Variants in DPP10 observed in about 807,000 individuals in gnomAD.
The protein encoded by DPP10 is inactive dipeptidyl peptidase 10.
Under a neutral mutation model 120.9 loss-of-function variants are expected in DPP10, and 33 were observed. The ratio of observed to expected loss-of-function variants is 0.27; its 90% CI spans 0.21 to 0.37. The LOEUF (loss-of-function observed/expected upper bound fraction) is 0.37, where lower values mean the gene tolerates loss of function less well. Among genes scored for constraint, DPP10 ranks in the 10% least tolerant of loss-of-function variants. The probability of loss-of-function intolerance (pLI) is 1.00; values close to 1 mark genes in which losing one functional copy is unlikely to be tolerated. For missense variants in DPP10, 816 were observed against 942.8 expected (o/e 0.87, Z 1.76); for synonymous variants, 337 against 326.1 (o/e 1.03, Z -0.36).
chr2:115,836,424 A>C, intron 22 of DPP10, 83 bp from the exon 23 acceptor site: 1 of 1,525,508 alleles, frequency 6.6e-7, no homozygotes, highest in South Asian at 1.2e-5. Context: ...ATGACAATTA[A>C]ATGTAAAATG....
At chr2:115,837,374 C>G (rs1214068822) in intron 24 of DPP10, among the ~76,000 whole-genome samples, 2 of 152,028 alleles carry the variant, frequency 1.3e-5, no homozygotes. Flanking sequence ...TTTTATTATC[C>G]TCTGTGATAT....
intron 1 of DPP10, among the ~76,000 whole-genome samples, chr2:115,089,677 A>G (rs1458016314): frequency 1.3e-5 from 2 of 152,220 alleles, no homozygotes; most frequent in Non-Finnish European, 2.9e-5. Context: ...CAAGAGCAGA[A>G]TCAAGAGCCA....
intron 5 of DPP10, among the ~76,000 whole-genome samples, chr2:115,618,109 T>A (rs2084666147): frequency 6.6e-6 from 1 of 152,154 alleles, no homozygotes; most frequent in African/African-American, 2.4e-5. Flanking sequence ...GCTGTTGACC[T>A]TAGGTAACTG....
intron 7 of DPP10, among the ~76,000 whole-genome samples, chr2:115,725,343 AATTGAAAAGGGATT>A (rs2092740867): frequency 6.6e-6 from 1 of 152,176 alleles, no homozygotes; most frequent in South Asian, 2.1e-4. Context: ...AAACTTTGAT[AATTGAAAAGGGATT>A]AGGATGTTAA....
chr2:114,502,257 G>T (rs13407612), intron 1 of DPP10, among the ~76,000 whole-genome samples: 18,099 of 152,036 alleles, frequency 0.12, 2,515 homozygotes, highest in African/African-American at 0.34. Context: ...CCAGCCAAAA[G>T]ACTGATATTT....
chr2:115,384,049 A>G (rs2066656954), intron 3 of DPP10, among the ~76,000 whole-genome samples: 1 of 152,140 alleles, frequency 6.6e-6, no homozygotes, highest in Admixed American at 6.5e-5. Context: ...CAATACCCCA[A>G]AGTATGTTGC....
At chr2:114,827,068 T>C (rs912687247) in intron 1 of DPP10, among the ~76,000 whole-genome samples, 4 of 151,724 alleles carry the variant, frequency 2.6e-5, no homozygotes, top group Non-Finnish European at 5.9e-5. Flanking sequence ...TTATGGCTTG[T>C]TTGGGGGTCA....
rs559422993 is a variant in DPP10, at chr2:115,803,056, G to A, written c.1700+11700G>A. Among the ~76,000 whole-genome samples, 13 of 152,230 alleles carry A rather than the reference G, an allele frequency of 8.5e-5. No homozygotes were observed. In the East Asian group the frequency reaches 2.3e-3, roughly 27 times the overall value. ...TGTTAAAGTGTCCCATTATTATTGT[G>A]TGGGATTCTAAGTCTCTTTGTAGGT... On this transcript the variant is annotated intron_variant, in intron 19 of 25. Transcript: ENST00000410059.
chr2:114,633,238 G>T (rs1452306983), intron 1 of DPP10, among the ~76,000 whole-genome samples: 10 of 135,674 alleles, frequency 7.4e-5, no homozygotes, highest in Admixed American at 1.5e-4. Flanking sequence ...TTTCATATTG[G>T]TTTTTCTTTC....
At chr2:114,692,435 G>A (rs1256361028) in intron 1 of DPP10, among the ~76,000 whole-genome samples, 1 of 152,024 alleles carries the variant, frequency 6.6e-6, no homozygotes, top group Non-Finnish European at 1.5e-5. Context: ...TGGTTGTGCT[G>A]CTGTCTAAGA....
chr2:115,183,307 T>A (rs1469844713), intron 1 of DPP10, among the ~76,000 whole-genome samples: 1 of 152,168 alleles, frequency 6.6e-6, no homozygotes, highest in African/African-American at 2.4e-5. Context: ...TCTTCCAAAC[T>A]GGTTGTGACC....
At chr2:115,792,928 A>G (rs1684147929) in intron 19 of DPP10, among the ~76,000 whole-genome samples, 1 of 152,234 alleles carries the variant, frequency 6.6e-6, no homozygotes, top group Admixed American at 6.5e-5. Flanking sequence ...ATTTATGCAG[A>G]CGAATGTGTA....
chr2:115,559,394 T>A (rs1383432804), intron 5 of DPP10, among the ~76,000 whole-genome samples: 1 of 152,204 alleles, frequency 6.6e-6, no homozygotes, highest in African/African-American at 2.4e-5. Flanking sequence ...GTCAGTATCC[T>A]GAAAATAGTA....
At position 114,993,615 on chromosome 2, in the gene DPP10, T is replaced by A. The variant is rs1308395039; in HGVS notation, c.61-315624T>A. On this transcript the variant is annotated intron_variant, in intron 1 of 25. Coordinates refer to ENST00000410059, the MANE Select transcript of DPP10 (RefSeq NM_020868.6). ...ATATATATATATATATATGAATTTA[T>A]TTTTTAACAGAAGCATCCAATGCTT... Among the ~76,000 whole-genome samples, 34 of 145,030 alleles carry A rather than the reference T, an allele frequency of 2.3e-4. No individual in the cohort carries two copies. The East Asian group carries it at 6.4e-3, about 27-fold the overall frequency.
chr2:115,442,253 T>TG (rs1313242275), intron 3 of DPP10, among the ~76,000 whole-genome samples: 3 of 152,102 alleles, frequency 2.0e-5, no homozygotes, highest in Non-Finnish European at 4.4e-5. Flanking sequence ...TCACTGGCTC[T>TG]GTAAGAGGAT....
chr2:114,621,337 C>T (rs1434206138), intron 1 of DPP10, among the ~76,000 whole-genome samples: 2 of 152,040 alleles, frequency 1.3e-5, no homozygotes, highest in Non-Finnish European at 2.9e-5. Flanking sequence ...ATGTTTCTTG[C>T]TTTCTCAACT....
intron 1 of DPP10, among the ~76,000 whole-genome samples, chr2:114,731,008 C>G (rs987608508): frequency 6.6e-6 from 1 of 151,278 alleles, no homozygotes; most frequent in African/African-American, 2.4e-5. Flanking sequence ...AGGGTCAAAT[C>G]TGGATTGGGA....
At chr2:115,666,161 A>G (rs2089438746) in intron 5 of DPP10, among the ~76,000 whole-genome samples, 1 of 152,110 alleles carries the variant, frequency 6.6e-6, no homozygotes, top group Admixed American at 6.6e-5. Context: ...CCGTTTCTAC[A>G]TTAGTTCATT....
chr2:115,762,346 C>G (rs540632177), intron 11 of DPP10, among the ~76,000 whole-genome samples: 2 of 151,450 alleles, frequency 1.3e-5, no homozygotes, highest in Non-Finnish European at 2.9e-5. Context: ...GCTGGGAATT[C>G]TGAAAGAATT....
Sources: allele counts gnomAD v4.1 joint callset (sites outside exome capture counted in the v4.1 genomes callset), GRCh38; gene constraint gnomAD v4.1.1; transcripts MANE v1.5; gene names NCBI Gene and HGNC (gene_info 2026-07-23, HGNC 2026-07-21).